The following CDC20B variants were observed in gnomAD, a reference collection of about 807,000 sequenced individuals.
The protein encoded by CDC20B is cell division cycle protein 20 homolog B.
In CDC20B, 58 loss-of-function variants were observed where a neutral mutation model predicts 64.1. The observed-to-expected ratio is 0.90, with a 90% CI of 0.73 to 1.13. CDC20B has a LOEUF of 1.13. CDC20B is among the 50% of genes most tolerant of loss of function. The pLI is 0.00. For synonymous variants in CDC20B, 243 were observed against 230.6 expected (o/e 1.05, Z -0.49); for missense variants, 597 against 633.0 (o/e 0.94, Z 0.61).
Position 55,173,157 on chromosome 5 carries a change from C to A in CDC20B, c.-157G>T. 1 of 611,166 alleles carries A rather than the reference C, an allele frequency of 1.6e-6. No homozygotes were observed. Among genetic ancestry groups the A allele is most frequent in the Non-Finnish European group, 2.9e-6 (1 of 348,138 alleles). The allele number at this position is 611,166 out of a possible 1,614,324, so 37.9% of individuals were successfully genotyped here. A position where few individuals can be genotyped will look rare whatever the true frequency, so the allele number is the denominator to read the frequency against. ...TTTCACCACCTCCCTCCAGGTCCCC[C>A]ACTCCTCCCACCGCCGCTGCAAGGT... is the stretch of plus-strand genomic sequence containing the variant. On this transcript the variant is annotated 5_prime_UTR_variant, in exon 1 of 12. Transcript: ENST00000381375.
chr5:55,167,866 CA>C (rs968015596), intron 2 of CDC20B, among the ~76,000 whole-genome samples: 10 of 151,770 alleles, frequency 6.6e-5, no homozygotes, highest in Non-Finnish European at 1.0e-4. Context: ...CCCATCTCTA[CA>C]AAAAAAATTT....
chr5:55,158,805 C>A (rs1212378730), intron 2 of CDC20B, among the ~76,000 whole-genome samples: 1 of 152,154 alleles, frequency 6.6e-6, no homozygotes, highest in Non-Finnish European at 1.5e-5. Flanking sequence ...CCCTAAAATT[C>A]ATGACCGTTA....
At chr5:55,144,921 C>T (rs2111879705) in intron 3 of CDC20B, among the ~76,000 whole-genome samples, 1 of 152,298 alleles carries the variant, frequency 6.6e-6, no homozygotes, top group South Asian at 2.1e-4. Flanking sequence ...AAAGAAACCC[C>T]ACTAGCAAAG....
At chr5:55,160,489 A>G in intron 2 of CDC20B, 2 of 909,646 alleles carry the variant, frequency 2.2e-6, no homozygotes, top group South Asian at 3.3e-5. Context: ...TTACATGGTC[A>G]TAAGTTGGAA....
chr5:55,149,735 G>A (rs1446060458), intron 2 of CDC20B, among the ~76,000 whole-genome samples: 3 of 152,198 alleles, frequency 2.0e-5, no homozygotes, highest in Non-Finnish European at 2.9e-5. Context: ...TGCTTAATGG[G>A]TATGGAGTTT....
intron 2 of CDC20B, among the ~76,000 whole-genome samples, chr5:55,167,725 T>TA (rs1744460658): frequency 6.6e-6 from 1 of 151,994 alleles, no homozygotes; most frequent in Non-Finnish European, 1.5e-5. Context: ...TAGCTGGGTG[T>TA]AGTGGCACAT....
At chr5:55,172,512 A>G in intron 2 of CDC20B, 76 bp downstream of exon 2, 3 of 1,202,984 alleles carry the variant, frequency 2.5e-6, no homozygotes, top group Non-Finnish European at 3.7e-6. Flanking sequence ...ACTTCCTACA[A>G]ATACATTATT....
chr5:55,145,708 T>G (rs1743450499), intron 3 of CDC20B, among the ~76,000 whole-genome samples: 2 of 151,838 alleles, frequency 1.3e-5, no homozygotes, highest in African/African-American at 4.8e-5. Flanking sequence ...TCCCTACTAC[T>G]CTTGGAGGTT....
chr5:55,147,499 TTATA>T (rs1743528790), intron 2 of CDC20B, among the ~76,000 whole-genome samples: 2 of 148,022 alleles, frequency 1.4e-5, no homozygotes. Context: ...TTATATGTAT[TTATA>T]TATAAAAATG....
chr5:55,153,336 C>T (rs1743724627), intron 2 of CDC20B, among the ~76,000 whole-genome samples: 1 of 138,254 alleles, frequency 7.2e-6, no homozygotes, highest in African/African-American at 2.7e-5. Context: ...AATGAAACAA[C>T]AAAAGTGTAT....
intron 11 of CDC20B, among the ~76,000 whole-genome samples, chr5:55,118,215 G>A (rs1392683715): frequency 6.6e-6 from 1 of 152,138 alleles, no homozygotes; most frequent in Middle Eastern, 3.2e-3. Flanking sequence ...GTATGTTTTT[G>A]TATTAACAAC....
chr5:55,134,380 C>A (rs1729030536), intron 5 of CDC20B, among the ~76,000 whole-genome samples: 1 of 151,722 alleles, frequency 6.6e-6, no homozygotes, highest in African/African-American at 2.4e-5. Flanking sequence ...TAGCTGAGGG[C>A]AAAACTGCAA....
intron 4 of CDC20B, among the ~76,000 whole-genome samples, chr5:55,142,949 C>T (rs1743370070): frequency 6.6e-6 from 1 of 152,096 alleles, no homozygotes; most frequent in Non-Finnish European, 1.5e-5. Context: ...CAAAAACATG[C>T]TGTTGATATT....
chr5:55,125,809 A>G (rs1335002330), intron 8 of CDC20B, among the ~76,000 whole-genome samples: 1 of 152,242 alleles, frequency 6.6e-6, no homozygotes, highest in African/African-American at 2.4e-5. Flanking sequence ...TGTGATTAAC[A>G]ATATGGGCTC....
intron 2 of CDC20B, among the ~76,000 whole-genome samples, chr5:55,162,124 G>A (rs372251442): frequency 6.6e-6 from 1 of 150,938 alleles, no homozygotes; most frequent in African/African-American, 2.4e-5. Flanking sequence ...GGCCGGGCGC[G>A]GTGGCTCACG....
At chr5:55,151,206 G>A (rs1047475195) in intron 2 of CDC20B, among the ~76,000 whole-genome samples, 21 of 152,140 alleles carry the variant, frequency 1.4e-4, no homozygotes, top group South Asian at 4.1e-4. Context: ...GAGACACATC[G>A]TCTCATTTCA....
intron 4 of CDC20B, among the ~76,000 whole-genome samples, chr5:55,142,448 G>A (rs1271067027): frequency 6.6e-6 from 1 of 152,166 alleles, no homozygotes; most frequent in Non-Finnish European, 1.5e-5. Context: ...TTGCTAAGGA[G>A]TATCTTGCCA....
chr5:55,162,755 C>T (rs960031577), intron 2 of CDC20B, among the ~76,000 whole-genome samples: 6 of 152,228 alleles, frequency 3.9e-5, no homozygotes, highest in Non-Finnish European at 7.3e-5. Context: ...CAGCCAGATA[C>T]GTGGGTGCAA....
chr5:55,120,042 T>C, intron 10 of CDC20B, 124 bp from the exon 11 acceptor site: 1 of 699,538 alleles, frequency 1.4e-6, no homozygotes, highest in South Asian at 1.8e-5. Context: ...GGGTAGGATG[T>C]TAAAGAAATT....
Sources: allele counts gnomAD v4.1 joint callset (sites outside exome capture counted in the v4.1 genomes callset), GRCh38; gene constraint gnomAD v4.1.1; transcripts MANE v1.5; gene names NCBI Gene and HGNC (gene_info 2026-07-23, HGNC 2026-07-21).